The following TTN variants were observed in gnomAD, a reference collection of about 807,000 sequenced individuals.
TTN encodes the protein connectin.
In TTN, 1,525 loss-of-function variants were observed where a neutral mutation model predicts 3,223.0. The observed-to-expected ratio is 0.47, with a 90% CI of 0.45 to 0.49. The LOEUF is 0.49. Ranked by LOEUF, TTN falls within the 20% of genes least tolerant of loss-of-function variation. TTN has a pLI of 0.00. For missense variants in TTN, 40,786 were observed against 43,424.0 expected (o/e 0.94, Z 5.40); for synonymous variants, 14,094 against 15,161.0 (o/e 0.93, Z 5.17).
rs1400343393 is a variant in TTN at position 178,582,345 on chromosome 2, T to A, written c.66111A>T (p.Gly22037=). 2.5e-6 allele frequency: 4 copies of A among 1,608,640 alleles called. No homozygotes were observed. In the African/African-American group the frequency reaches 5.4e-5, roughly 22 times the overall value. The change falls in exon 314 of 363, where the codon GGA becomes GGT. Residue 22037 remains glycine (G), a synonymous_variant. Transcript: ENST00000589042. ...QFRICAENKY[G]VGDPVFTEPA... ...GTTCAGTGAAGACTGGATCGCCTACTCCATATTTATTTTCAGCACAAATAC... is the reference window on the plus strand; with the variant it reads ...GTTCAGTGAAGACTGGATCGCCTACACCATATTTATTTTCAGCACAAATAC...
At position 178,557,529 on chromosome 2, in the gene TTN, A is replaced by C; in HGVS notation, c.87733T>G (p.Trp29245Gly). ...CTTTCTCGAGTAACATTAGTGACCC[A>C]TGGTGTAGATGGTGGTCCAGGTGTT... ...YTTPGPPSTP[W>G]VTNVTRESIT... Residue 29245 changes from tryptophan (W) to glycine (G), a missense_variant, in exon 329 of 363, where the codon TGG becomes GGG. By Grantham distance (184) the Trp-to-Gly change is radical. Transcript: ENST00000589042. 4 of 1,613,930 alleles carry C rather than the reference A, an allele frequency of 2.5e-6. No homozygotes were observed. Among genetic ancestry groups the C allele is most frequent in the Non-Finnish European group, 3.4e-6 (4 of 1,179,852 alleles).
At position 178,552,206 on chromosome 2, in the gene TTN, T is replaced by A; in HGVS notation, c.90694A>T (p.Ile30232Phe). Residue 30232 changes from isoleucine (I) to phenylalanine (F), a missense_variant, in exon 335 of 363, where the codon ATT becomes TTT. Transcript: ENST00000589042. ...LGPPSKPKGP[I>F]RFDEIKADSV... ...TCAGCCTTGATTTCATCAAATCGAA[T>A]GGGTCCTTTGGGCTTTGATGGTGGG... 2.5e-6 allele frequency: 4 copies of A among 1,613,494 alleles called. No individual in the cohort carries two copies. Among genetic ancestry groups the A allele is most frequent in the Non-Finnish European group, 3.4e-6 (4 of 1,179,646 alleles).
chr2:178,548,000 G>A lies in TTN; in HGVS notation c.93626C>T (p.Pro31209Leu), dbSNP rs1697907069. The part of the protein sequence containing the change: ...EAFSSVIIKE[P>L]QIEPTADLTG... ...GAGGTCAGCAGTGGGCTCGATTTGA[G>A]GCTCCTTAATGATGACAGAAGAGAA... Residue 31209 changes from proline to leucine, a missense_variant, in exon 339 of 363, where the codon CCT (proline) becomes CTT (leucine). Coordinates refer to ENST00000589042, the MANE Select transcript of TTN (RefSeq NM_001267550.2). 1.2e-6 allele frequency: 2 copies of A among 1,613,626 alleles called. No homozygotes were observed. The highest frequency in any genetic ancestry group is 3.3e-5 in the Admixed American group (2 of 59,974).
At position 178,734,868 on chromosome 2, in the gene TTN, T is replaced by C; in HGVS notation, c.15056A>G (p.Asn5019Ser). The part of the protein sequence containing the change: ...PVIQVTWFKN[N>S]KELSESNTVR... ...TGTGTTACTTTCACTGAGTTCTTTG[T>C]TATTTTTAAACCAAGTAACCTGGAT... The change falls in exon 51 of 363, where the codon AAC becomes AGC. Residue 5019 changes from asparagine to serine, a missense_variant. By Grantham distance (46) the Asn-to-Ser change is conservative. Transcript: ENST00000589042. 4.3e-6 allele frequency: 7 copies of C among 1,613,720 alleles called. No homozygotes were observed. In the South Asian group the frequency reaches 5.5e-5, roughly 13 times the overall value.
rs763353941 is a variant in TTN, at chr2:178,633,715, AAATT to A, written c.42683-43_42683-40del. On this transcript the variant is annotated intron_variant, in intron 231 of 362. Transcript: ENST00000589042. ...TTAGCATAAAATTAGAAGAATGTGA[AAATT>A]AAAGTTTATTAAAGAGTAAAAGGTT... 32 of 1,606,662 alleles carry A rather than the reference AAATT, an allele frequency of 2.0e-5. No homozygotes were observed. The South Asian group carries it at 3.5e-4, about 17-fold the overall frequency.
chr2:178,665,556 A>G, intron 164 of TTN, 96 bp from the exon 165 acceptor site: 1 of 1,413,668 alleles, frequency 7.1e-7, no homozygotes, highest in African/African-American at 1.4e-5. Context: ...GGCTAAAAAG[A>G]TGATTCCTTT....
chr2:178,529,646 T>C (rs1213044675), intron 359 of TTN, among the ~76,000 whole-genome samples: 1 of 152,234 alleles, frequency 6.6e-6, no homozygotes, highest in Non-Finnish European at 1.5e-5. Context: ...TGTGAAGGTT[T>C]AGGCAAGTAG....
At chr2:178,766,656 C>G (rs149841402) in intron 40 of TTN, 44 bp from the exon 41 acceptor site, 1 of 1,501,382 alleles carries the variant, frequency 6.7e-7, no homozygotes, top group Non-Finnish European at 9.2e-7. Flanking sequence ...ACAACAAAAA[C>G]TTGAAGCTCT....
intron 44 of TTN, 28 bp downstream of exon 44, chr2:178,758,956 T>C (rs754440591): frequency 1.9e-6 from 3 of 1,604,152 alleles, no homozygotes; most frequent in East Asian, 2.2e-5. Context: ...TATATTTAAA[T>C]GGGGTTCTGA....
At chr2:178,616,181 A>G (rs189807453) in intron 257 of TTN, among the ~76,000 whole-genome samples, 1 of 152,010 alleles carries the variant, frequency 6.6e-6, no homozygotes, top group East Asian at 2.0e-4. Context: ...TTTACTTTCC[A>G]CTTCTAGCTT....
In TTN at chr2:178,699,753, G is replaced by T. The variant is rs2074587162; in HGVS notation, c.30683-839C>A. Among the ~76,000 whole-genome samples, 4 of 107,894 alleles carry T rather than the reference G, an allele frequency of 3.7e-5. No individual in the cohort carries two copies. The South Asian group carries it at 1.2e-3, about 33-fold the overall frequency. 70.8% of individuals were successfully genotyped at this position (107,894 alleles called of 152,430 possible). On this transcript the variant is annotated intron_variant, in intron 111 of 362. Transcript: ENST00000589042. ...TTTTTTTTTTTTTTTTTGAGACGGA[G>T]TCTCACTCTGTCACCCAGGCTGGAG...
In TTN at chr2:178,535,807, C is replaced by T; in HGVS notation, c.100808G>A (p.Gly33603Glu). The T allele has an allele frequency of 2.5e-6, 4 of 1,607,974 alleles. No homozygotes were observed. The highest frequency in any genetic ancestry group is 3.4e-6 in the Non-Finnish European group (4 of 1,177,122). The change falls in exon 358 of 363, where the codon GGA becomes GAA. Residue 33603 changes from glycine to glutamate, a missense_variant. Coordinates refer to ENST00000589042, the MANE Select transcript of TTN (RefSeq NM_001267550.2). ...IHLPKTLEGM[G>E]AVHALRGEVV... ...TTCACCTCGGAGAGCATGAACTGCT[C>T]CCATGCCTTCAAGAGTTTTAGGTAA...
Position 178,553,773 on chromosome 2 carries a change from T to A in TTN, c.89232A>T (p.Ala29744=), listed in dbSNP as rs1700252459. 6 of 1,606,058 alleles carry A rather than the reference T, an allele frequency of 3.7e-6. No homozygotes were observed. The highest frequency in any genetic ancestry group is 5.1e-6 in the Non-Finnish European group (6 of 1,175,046). Residue 29744 remains alanine (A), a synonymous_variant, in exon 334 of 363, where the codon GCA becomes GCT. Coordinates refer to ENST00000589042, the MANE Select transcript of TTN (RefSeq NM_001267550.2). ...GGGTGATGGATGACTTGGTTGAATC[T>A]GCGATTCTTATCTTAGCAGGTGGAC... ...PPGPPAKIRI[A]DSTKSSITLG... is the part of the protein sequence containing the mutation.
At chr2:178,536,884 T>A in intron 356 of TTN, 54 bp downstream of exon 356, 1 of 1,454,796 alleles carries the variant, frequency 6.9e-7, no homozygotes, top group East Asian at 2.4e-5. Context: ...AAAAGAATTT[T>A]ATGCAAAGAT....
chr2:178,626,378 G>C (rs2059058772), intron 240 of TTN, among the ~76,000 whole-genome samples: 2 of 151,946 alleles, frequency 1.3e-5, no homozygotes, highest in African/African-American at 4.8e-5. Context: ...GGGTCATTCT[G>C]ACAGCAAAGA....
Position 178,559,718 on chromosome 2 carries a change from T to C in TTN, c.86414A>G (p.Asp28805Gly), listed in dbSNP as rs1028838136. 3 of 1,601,382 alleles carry C rather than the reference T, an allele frequency of 1.9e-6. No individual in the cohort carries two copies. The highest frequency in any genetic ancestry group is 2.6e-6 in the Non-Finnish European group (3 of 1,173,196). Residue 28805 changes from aspartate to glycine, a missense_variant, in exon 326 of 363, where the codon GAC becomes GGC. By Grantham distance (94) the Asp-to-Gly change is moderately conservative. Coordinates refer to ENST00000589042, the MANE Select transcript of TTN (RefSeq NM_001267550.2). ...TTCAATGGTCAGTGATGTACGAGAG[T>C]CTGTGGTATCAACATAAGCTCTAGT... ...LRTRAYVDTT[D>G]SRTSLTIENA...
At chr2:178,679,537 A>C in intron 141 of TTN, 62 bp downstream of exon 141, 1 of 1,587,986 alleles carries the variant, frequency 6.3e-7, no homozygotes, top group Non-Finnish European at 8.6e-7. Context: ...AACTCAGAAG[A>C]AAGTTAACTA....
At position 178,586,875 on chromosome 2, in the gene TTN, TAA is replaced by T. The variant is rs2154181708; in HGVS notation, c.64094-70_64094-69del. The T allele has an allele frequency of 3.8e-6, 6 of 1,564,070 alleles. No homozygotes were observed. In the South Asian group the frequency reaches 7.1e-5, roughly 18 times the overall value. ...ATCAAATCCCCTTTGTTAATGTACA[TAA>T]GAGTTTTAGTATGGATTTGCTCCAA... On this transcript the variant is annotated intron_variant, in intron 307 of 362. Coordinates refer to ENST00000589042, the MANE Select transcript of TTN (RefSeq NM_001267550.2).
chr2:178,799,883 G>C lies in TTN; in HGVS notation c.611C>G (p.Thr204Arg). Residue 204 changes from threonine to arginine, a missense_variant, in exon 5 of 363, where the codon ACA (threonine) becomes AGA (arginine). Transcript: ENST00000589042. ...QGEEEVPAKK[T>R]KTIVSTAQIS... ...CTGAGCAGTCGAAACAATTGTCTTT[G>C]TCTTTTTAGCAGGTACTTCTTCTTC... 1 of 1,614,110 alleles carries C rather than the reference G, an allele frequency of 6.2e-7. No homozygotes were observed. Among genetic ancestry groups the C allele is most frequent in the Non-Finnish European group, 8.5e-7 (1 of 1,180,000 alleles).
Sources: gnomAD v4.1 joint callset for allele counts (sites outside exome capture counted in the v4.1 genomes callset) on GRCh38, gnomAD v4.1.1 for gene constraint, MANE v1.5 for transcripts, NCBI Gene and HGNC (gene_info 2026-07-23, HGNC 2026-07-21) for gene names.